P3H2: variants seen among roughly 807,000 people sequenced by gnomAD.
P3H2 encodes prolyl 3-hydroxylase 2.
A neutral mutation model predicts 87.0 loss-of-function variants in P3H2; 80 were observed. That is an observed-to-expected ratio of 0.92 (90% CI 0.77 to 1.11). P3H2 has a LOEUF of 1.11. Ranked by LOEUF, P3H2 falls within the 50% of genes least tolerant of loss-of-function variation. The pLI, the probability that P3H2 is intolerant of heterozygous loss-of-function variation, is 0.00. For missense variants in P3H2, 1,001 were observed against 923.9 expected (o/e 1.08, Z -1.08); for synonymous variants, 367 against 359.3 (o/e 1.02, Z -0.24).
intron 1 of P3H2, among the ~76,000 whole-genome samples, chr3:190,108,529 T>C (rs868118887): frequency 1.3e-5 from 2 of 152,360 alleles, no homozygotes; most frequent in Non-Finnish European, 1.5e-5. Flanking sequence ...TGTAAATCTT[T>C]ACTTTTTCTT....
At chr3:190,090,787 C>T (rs1329402252) in intron 1 of P3H2, among the ~76,000 whole-genome samples, 3 of 152,174 alleles carry the variant, frequency 2.0e-5, no homozygotes, top group Non-Finnish European at 4.4e-5. Context: ...TTGAACACTA[C>T]CAAGTCTTTA....
intron 1 of P3H2, among the ~76,000 whole-genome samples, chr3:190,002,792 AAAT>A (rs1337976354): frequency 6.6e-6 from 1 of 152,230 alleles, no homozygotes; most frequent in African/African-American, 2.4e-5. Context: ...CTAACTATAC[AAAT>A]AGTTGCCTTA....
chr3:190,057,788 A>G (rs796513080), intron 1 of P3H2, among the ~76,000 whole-genome samples: 26 of 152,272 alleles, frequency 1.7e-4, no homozygotes, highest in African/African-American at 5.1e-4. Context: ...GAAACATGGG[A>G]GTGAAAGGAA....
chr3:190,021,026 C>G (rs1186920857), intron 1 of P3H2, among the ~76,000 whole-genome samples: 1 of 134,216 alleles, frequency 7.5e-6, no homozygotes, highest in African/African-American at 2.6e-5. Flanking sequence ...TTGGAAAAAT[C>G]TGAGACCCCA....
chr3:190,115,413 T>A, intron 1 of P3H2, among the ~76,000 whole-genome samples: 1 of 143,956 alleles, frequency 6.9e-6, no homozygotes, highest in South Asian at 2.2e-4. Context: ...TTTAAATGGT[T>A]GGGAAAAGTG....
intron 1 of P3H2, among the ~76,000 whole-genome samples, chr3:190,067,153 A>G (rs187179105): frequency 1.3e-5 from 2 of 151,646 alleles, no homozygotes; most frequent in Admixed American, 1.3e-4. Context: ...CCTTATTCTT[A>G]CATTTACCTA....
chr3:190,023,462 A>T (rs931487705), intron 1 of P3H2, among the ~76,000 whole-genome samples: 11 of 152,196 alleles, frequency 7.2e-5, no homozygotes, highest in Admixed American at 5.9e-4. Context: ...GGAAGCAATG[A>T]ACCTTCTTTA....
chr3:190,041,035 TATAC>T lies in P3H2; in HGVS notation c.481-45597_481-45594del, dbSNP rs1482987954. The stretch of plus-strand genomic sequence containing the variant: ...CATGGCTCTACTATATATATATATA[TATAC>T]ACACACACACACACACACACACACA... On this transcript the variant is annotated intron_variant, in intron 1 of 14. Transcript: ENST00000319332. 6.3e-3 allele frequency among the ~76,000 whole-genome samples: 250 copies of T among 39,796 alleles called. 7 individuals are homozygous for T. Among genetic ancestry groups the T allele is most frequent in the Non-Finnish European group, 8.4e-3 (201 of 23,978 alleles). The allele number at this position is 39,796 out of a possible 152,430, so 26.1% of individuals were successfully genotyped here.
At chr3:190,052,810 G>A (rs773774045) in intron 1 of P3H2, among the ~76,000 whole-genome samples, 9 of 151,740 alleles carry the variant, frequency 5.9e-5, no homozygotes, top group Non-Finnish European at 1.0e-4. Context: ...GATGAATTTT[G>A]GCATATGCAT....
At chr3:190,064,155 CTT>C (rs78204073) in intron 1 of P3H2, among the ~76,000 whole-genome samples, 1 of 142,662 alleles carries the variant, frequency 7.0e-6, no homozygotes. Context: ...CCACACCTAA[CTT>C]TTTTTTTTTT....
chr3:190,011,442 T>TA (rs1413450846), intron 1 of P3H2, among the ~76,000 whole-genome samples: 1 of 152,300 alleles, frequency 6.6e-6, no homozygotes, highest in Non-Finnish European at 1.5e-5. Context: ...TGGTTTATCC[T>TA]AAAAAATAAG....
intron 1 of P3H2, among the ~76,000 whole-genome samples, chr3:190,070,750 G>A (rs1726673128): frequency 6.6e-6 from 1 of 152,206 alleles, no homozygotes; most frequent in South Asian, 2.1e-4. Context: ...TTGTCTGCCT[G>A]AAACGGGAAT....
intron 14 of P3H2, among the ~76,000 whole-genome samples, chr3:189,958,534 AC>A (rs1431918090): frequency 7.0e-6 from 1 of 142,526 alleles, no homozygotes; most frequent in Non-Finnish European, 1.5e-5. Flanking sequence ...ACATTTTTAG[AC>A]CAGATAATTA....
chr3:190,107,363 C>G (rs1006367396), intron 1 of P3H2, among the ~76,000 whole-genome samples: 8 of 152,126 alleles, frequency 5.3e-5, no homozygotes, highest in African/African-American at 1.9e-4. Flanking sequence ...AGAAGATTTT[C>G]TTCTTGTTGC....
upstream of P3H2, among the ~76,000 whole-genome samples, chr3:190,121,280 C>G (rs1382253270): frequency 6.6e-6 from 1 of 151,690 alleles, no homozygotes; most frequent in Non-Finnish European, 1.5e-5. Flanking sequence ...ACCGTAGATG[C>G]CATGTGTACC....
At chr3:190,043,360 AGAT>A (rs1440850812) in intron 1 of P3H2, among the ~76,000 whole-genome samples, 2 of 152,192 alleles carry the variant, frequency 1.3e-5, no homozygotes, top group African/African-American at 4.8e-5. Flanking sequence ...TGATGAATGG[AGAT>A]GATGAGGCTG....
At chr3:190,112,698 C>T (rs1216294079) in intron 1 of P3H2, among the ~76,000 whole-genome samples, 2 of 152,170 alleles carry the variant, frequency 1.3e-5, no homozygotes, top group Non-Finnish European at 2.9e-5. Flanking sequence ...GAAATAGCTT[C>T]TTTCAACAAC....
At chr3:190,027,006 C>G (rs899159866) in intron 1 of P3H2, among the ~76,000 whole-genome samples, 1 of 152,114 alleles carries the variant, frequency 6.6e-6, no homozygotes, top group Admixed American at 6.5e-5. Flanking sequence ...ACAATACGAG[C>G]CAAGCACTGT....
chr3:190,043,681 G>A (rs564301935), intron 1 of P3H2, among the ~76,000 whole-genome samples: 7 of 152,206 alleles, frequency 4.6e-5, no homozygotes, highest in African/African-American at 9.6e-5. Context: ...CTCACCTTCC[G>A]TAGTTACCAC....
Sources: gnomAD v4.1 joint callset for allele counts (sites outside exome capture counted in the v4.1 genomes callset) on GRCh38, gnomAD v4.1.1 for gene constraint, MANE v1.5 for transcripts, NCBI Gene and HGNC (gene_info 2026-07-23, HGNC 2026-07-21) for gene names.